The following MCF2 variants were observed in gnomAD, a reference collection of about 807,000 sequenced individuals.
MCF2 encodes proto-oncogene DBL.
MCF2 carries 44 observed loss-of-function variants against 82.5 expected under a neutral mutation model. That is an observed-to-expected ratio of 0.53 (90% CI 0.42 to 0.69). The LOEUF (loss-of-function observed/expected upper bound fraction) is 0.69. MCF2 is among the 30% of genes least tolerant of loss of function. MCF2 has a pLI of 0.00. For missense variants in MCF2, 623 were observed against 663.1 expected, an observed-to-expected ratio of 0.94 and a Z score of 0.66; for synonymous variants, 217 against 224.9, an observed-to-expected ratio of 0.96 and a Z score of 0.32.
intron 1 of MCF2, among the ~76,000 whole-genome samples, chrX:139,665,294 C>A (rs1310782282): frequency 9.0e-6 from 1 of 111,383 alleles, no homozygotes; most frequent in East Asian, 2.9e-4. Flanking sequence ...ATTGAGGGTC[C>A]CAGAGCACTT....
intron 1 of MCF2, among the ~76,000 whole-genome samples, chrX:139,654,692 G>A (rs1191446823): frequency 9.0e-6 from 1 of 111,277 alleles, no homozygotes; most frequent in Non-Finnish European, 1.9e-5. Flanking sequence ...CTATGCTTTT[G>A]AGGTTTTGCA....
chrX:139,704,097 G>A (rs959784840), intron 1 of MCF2, among the ~76,000 whole-genome samples: 6 of 110,851 alleles, frequency 5.4e-5, no homozygotes, highest in Non-Finnish European at 7.5e-5. Context: ...AAAAACATAC[G>A]TCAAAATAAT....
chrX:139,589,353 C>T (rs746447802), intron 20 of MCF2, among the ~76,000 whole-genome samples: 1 of 111,900 alleles, frequency 8.9e-6, no homozygotes, highest in Non-Finnish European at 1.9e-5. Context: ...ATGACAACAT[C>T]CTCTTGAAAT....
exon 24 of MCF2, chrX:139,585,115 T>C (rs1346277561): frequency 8.3e-7 from 1 of 1,205,072 alleles, no homozygotes; most frequent in Non-Finnish European, 1.1e-6. Context: ...AGGGTAGAAA[T>C]AGTTGCTTGA....
intron 1 of MCF2, among the ~76,000 whole-genome samples, 157 bp downstream of exon 1, chrX:139,707,949 G>T (rs1014046153): frequency 6.3e-5 from 7 of 111,628 alleles, no homozygotes; most frequent in African/African-American, 2.3e-4. Flanking sequence ...GCAAATCATT[G>T]GTCCTAGAAA....
intron 1 of MCF2, among the ~76,000 whole-genome samples, chrX:139,653,363 G>A (rs1341364639): frequency 8.9e-6 from 1 of 112,074 alleles, no homozygotes; most frequent in Non-Finnish European, 1.9e-5. Context: ...TACATAATAG[G>A]AGACCCAAAT....
intron 1 of MCF2, chrX:139,691,790 T>A: frequency 1.9e-6 from 1 of 526,951 alleles, no homozygotes; most frequent in Non-Finnish European, 3.2e-6. Flanking sequence ...GAAAATAAAG[T>A]GCGCGCGGGG....
intron 1 of MCF2, 121 bp from the exon 5 acceptor site, chrX:139,632,575 A>G: frequency 2.0e-6 from 1 of 489,197 alleles, no homozygotes; most frequent in East Asian, 3.7e-5. Context: ...AGCCAGTAAA[A>G]GGCCAACACT....
intron 19 of MCF2, among the ~76,000 whole-genome samples, chrX:139,592,801 A>G (rs987941767): frequency 9.0e-6 from 1 of 111,606 alleles, no homozygotes; most frequent in Non-Finnish European, 1.9e-5. Flanking sequence ...AGGAAGAACT[A>G]CTTCTTTTTG....
At chrX:139,671,600 G>T (rs1291652441) in intron 1 of MCF2, among the ~76,000 whole-genome samples, 1 of 111,279 alleles carries the variant, frequency 9.0e-6, no homozygotes, top group Non-Finnish European at 1.9e-5. Context: ...TTTTTGTCAG[G>T]TTTGTCAAAG....
chrX:139,652,215 A>C (rs1464477768), intron 1 of MCF2, among the ~76,000 whole-genome samples: 1 of 111,731 alleles, frequency 9.0e-6, no homozygotes, highest in East Asian at 2.8e-4. Flanking sequence ...ATCTTATTGA[A>C]TCCTTAAAAA....
intron 1 of MCF2, among the ~76,000 whole-genome samples, chrX:139,675,198 G>A (rs996314667): frequency 6.6e-5 from 7 of 106,260 alleles, no homozygotes; most frequent in Non-Finnish European, 5.6e-5. Flanking sequence ...TTCGCCATTC[G>A]TCTAATCTTT....
At chrX:139,615,762 G>T (rs919751223) in intron 9 of MCF2, among the ~76,000 whole-genome samples, 3 of 111,833 alleles carry the variant, frequency 2.7e-5, no homozygotes, top group Non-Finnish European at 5.7e-5. Flanking sequence ...TTTCCAAGGG[G>T]GCAGTACTGA....
At chrX:139,589,987 A>T in intron 19 of MCF2, 60 bp from the exon 24 acceptor site, 4 of 686,002 alleles carry the variant, frequency 5.8e-6, no homozygotes, top group Non-Finnish European at 8.9e-6. Flanking sequence ...AATTACATTA[A>T]ATCTACCCTA....
At chrX:139,670,558 C>T (rs1018451770) in intron 1 of MCF2, among the ~76,000 whole-genome samples, 2 of 110,360 alleles carry the variant, frequency 1.8e-5, no homozygotes, top group South Asian at 4.0e-4. Flanking sequence ...TCAGAACAGG[C>T]GGTGTTTGGT....
intron 1 of MCF2, among the ~76,000 whole-genome samples, chrX:139,684,522 T>C (rs183216251): frequency 1.8e-5 from 2 of 112,127 alleles, no homozygotes; most frequent in East Asian, 2.8e-4. Context: ...TAAAAACTTG[T>C]ATAAGAATGT....
intron 16 of MCF2, among the ~76,000 whole-genome samples, chrX:139,600,716 G>A (rs767137141): frequency 9.0e-6 from 1 of 111,642 alleles, no homozygotes; most frequent in East Asian, 2.8e-4. Flanking sequence ...ACTCAACAAT[G>A]AGGATCATGG....
chrX:139,651,847 T>G, intron 1 of MCF2, 59 bp from the exon 2 acceptor site: 1 of 693,202 alleles, frequency 1.4e-6, no homozygotes, highest in African/African-American at 2.1e-5. Flanking sequence ...CTTACATGAT[T>G]TTAGACACAT....
chrX:139,691,000 A>G (rs1935249929), intron 1 of MCF2, among the ~76,000 whole-genome samples: 1 of 111,387 alleles, frequency 9.0e-6, no homozygotes, highest in South Asian at 3.8e-4. Context: ...TCAACCCCAA[A>G]GCTGGGCAAC....
Sources: gnomAD v4.1 joint callset for allele counts (sites outside exome capture counted in the v4.1 genomes callset) on GRCh38, gnomAD v4.1.1 for gene constraint, MANE v1.5 for transcripts, NCBI Gene and HGNC (gene_info 2026-07-23, HGNC 2026-07-21) for gene names.